The following IL36A variants were observed in gnomAD, a reference collection of about 807,000 sequenced individuals.
IL36A encodes interleukin-36 alpha.
IL36A carries 13 observed loss-of-function variants against 12.7 expected under a neutral mutation model. That is an observed-to-expected ratio of 1.02 (90% CI 0.67 to 1.63). IL36A has a LOEUF of 1.63. Among genes scored for constraint, IL36A ranks in the 40% most tolerant of loss-of-function variants. IL36A has a pLI of 0.00. For missense variants in IL36A, 195 were observed against 192.9 expected, an observed-to-expected ratio of 1.01 and a Z score of -0.07; for synonymous variants, 73 against 71.9, an observed-to-expected ratio of 1.01 and a Z score of -0.08.
In IL36A at chr2:113,007,825, C is replaced by G; in HGVS notation, c.265-7C>G. ...TTTCTTGCTGGTGTCTCCTTCGCACCCTTCAGGAAAAGGATATAATGGATT... is the reference window on the plus strand; with the variant it reads ...TTTCTTGCTGGTGTCTCCTTCGCACGCTTCAGGAAAAGGATATAATGGATT... On this transcript the variant is annotated splice_region_variant and splice_polypyrimidine_tract_variant and intron_variant, in intron 3 of 3. Coordinates refer to ENST00000259211, the MANE Select transcript of IL36A (RefSeq NM_014440.3). 6.2e-7 allele frequency: 1 copy of G among 1,610,060 alleles called. No homozygotes were observed.
rs1019690146 is a variant in IL36A, at chr2:113,007,935, T to C, written c.368T>C (p.Phe123Ser). 5 of 1,614,094 alleles carry C rather than the reference T, an allele frequency of 3.1e-6. No homozygotes were observed. In the African/African-American group the frequency reaches 6.7e-5, roughly 22 times the overall value. ...GRNSTFESVAFPGWFIAVSSE... is the reference protein window; with the variant it reads ...GRNSTFESVASPGWFIAVSSE... ...AACTCCACCTTCGAGTCTGTGGCTT[T>C]CCCTGGCTGGTTCATCGCTGTCAGC... Residue 123 changes from phenylalanine to serine, a missense_variant, in exon 4 of 4, where the codon TTC (phenylalanine) becomes TCC (serine). Phe to Ser is a radical substitution (Grantham distance 155). Coordinates refer to ENST00000259211, the MANE Select transcript of IL36A (RefSeq NM_014440.3).
In IL36A at chr2:113,006,088, G is replaced by A; in HGVS notation, c.124+1G>A. On this transcript the variant is annotated splice_donor_variant, in intron 2 of 3. Transcript: ENST00000259211. LOFTEE classifies it high-confidence loss of function. ...CCGAGGAAGGACCGTATGTCTCCAG[G>A]TGAGTAGCCACGGTCTGTGAAAGGC... The A allele has an allele frequency of 6.3e-7, 1 of 1,593,090 alleles. No individual in the cohort carries two copies.
At chr2:113,008,070 T>C, downstream of IL36A, 1 of 1,568,740 alleles carries the variant, frequency 6.4e-7, no homozygotes, top group Non-Finnish European at 8.8e-7. Context: ...GAGGATAGTC[T>C]CCATGCAGGG....
rs776581757 is a variant in IL36A at position 113,005,893 on chromosome 2, C to A, written c.10+12C>A. The A allele has an allele frequency of 8.1e-6, 13 of 1,613,904 alleles. No individual in the cohort carries two copies. The highest frequency in any genetic ancestry group is 1.1e-5 in the Non-Finnish European group (13 of 1,179,928). On this transcript the variant is annotated intron_variant, in intron 1 of 3. Transcript: ENST00000259211. ...CACAATGGAAAAAGGTAAAGATCCT[C>A]GTGGAAGGGCGAAAAATTGACAAGG...
At chr2:113,008,346 G>GGGT (rs1351851260), downstream of IL36A, among the ~76,000 whole-genome samples, 21 of 151,558 alleles carry the variant, frequency 1.4e-4, no homozygotes, top group Middle Eastern at 3.4e-3. Context: ...GTAAAAATGA[G>GGGT]GGTGGTGACT....
At chr2:113,009,244 C>T (rs1684692457), downstream of IL36A, among the ~76,000 whole-genome samples, 1 of 149,544 alleles carries the variant, frequency 6.7e-6, no homozygotes, top group Non-Finnish European at 1.5e-5. Flanking sequence ...GGTTGGTCGT[C>T]AGTGTGGCGA....
intron 2 of IL36A, 59 bp downstream of exon 2, chr2:113,006,146 T>C (rs1684616385): frequency 9.3e-7 from 1 of 1,080,844 alleles, no homozygotes; most frequent in South Asian, 1.3e-5. Context: ...GTGTGTTTGG[T>C]GCTCAGATGT....
At chr2:113,006,796 T>C in intron 3 of IL36A, 59 bp downstream of exon 3, 15 of 1,580,406 alleles carry the variant, frequency 9.5e-6, no homozygotes, top group Non-Finnish European at 1.3e-5. Flanking sequence ...TTCAGGATCT[T>C]TTAAAAGACA....
In IL36A at chr2:113,007,887, T is replaced by C; in HGVS notation, c.320T>C (p.Phe107Ser). ...NQPEPVKSFL[F>S]YHSQSGRNST... ...CCCGAGCCTGTGAAGTCCTTTCTCTTCTACCACAGCCAGAGTGGCAGGAAC... is the reference window on the plus strand; with the variant it reads ...CCCGAGCCTGTGAAGTCCTTTCTCTCCTACCACAGCCAGAGTGGCAGGAAC... The change falls in exon 4 of 4, where the codon TTC becomes TCC. Residue 107 changes from phenylalanine to serine, a missense_variant. Phe to Ser is a radical substitution (Grantham distance 155, BLOSUM62 -2). Coordinates refer to ENST00000259211, the MANE Select transcript of IL36A (RefSeq NM_014440.3). The C allele has an allele frequency of 6.2e-7, 1 of 1,614,230 alleles. No homozygotes were observed. The highest frequency in any genetic ancestry group is 8.5e-7 in the Non-Finnish European group (1 of 1,180,048).
chr2:113,005,917 G>A, intron 1 of IL36A, 36 bp downstream of exon 1: 2 of 1,613,594 alleles, frequency 1.2e-6, no homozygotes, highest in Non-Finnish European at 1.7e-6. Context: ...AAATTGACAA[G>A]GGGGTGATAT....
intron 2 of IL36A, 101 bp from the exon 3 acceptor site, chr2:113,006,497 T>G (rs928527776): frequency 2.3e-6 from 3 of 1,308,630 alleles, no homozygotes; most frequent in Middle Eastern, 2.6e-4. Context: ...ATTCTATGAG[T>G]GCACTGTGAG....
In IL36A at chr2:113,006,003, A is replaced by T. The variant is rs1392073641; in HGVS notation, c.40A>T (p.Ser14Cys). ...GAAAATTGACACACCTCAGCAGGGGAGCATTCAGGATATCAATCATCGGGT... is the reference window on the plus strand; with the variant it reads ...GAAAATTGACACACCTCAGCAGGGGTGCATTCAGGATATCAATCATCGGGT... Reference protein sequence around the residue: ...ALKIDTPQQGSIQDINHRVWV... With the variant: ...ALKIDTPQQGCIQDINHRVWV... Residue 14 changes from serine (S) to cysteine (C), a missense_variant, in exon 2 of 4, where the codon AGC becomes TGC. Transcript: ENST00000259211. 6.2e-7 allele frequency: 1 copy of T among 1,613,890 alleles called. No individual in the cohort carries two copies. Among genetic ancestry groups the T allele is most frequent in the South Asian group, 1.1e-5 (1 of 91,064 alleles).
In IL36A at chr2:113,007,903, T is replaced by A; in HGVS notation, c.336T>A (p.Ser112Arg). The A allele has an allele frequency of 3.7e-6, 6 of 1,614,104 alleles. No homozygotes were observed. The South Asian group carries it at 6.6e-5, about 18-fold the overall frequency. ...VKSFLFYHSQ[S>R]GRNSTFESVA... ...CCTTTCTCTTCTACCACAGCCAGAG[T>A]GGCAGGAACTCCACCTTCGAGTCTG... The change falls in exon 4 of 4, where the codon AGT becomes AGA. Residue 112 changes from serine to arginine, a missense_variant. Ser to Arg is a moderately radical substitution (Grantham distance 110, BLOSUM62 -1). Transcript: ENST00000259211.
downstream of IL36A, among the ~76,000 whole-genome samples, chr2:113,008,971 T>A (rs1261729250): frequency 5.2e-5 from 2 of 38,126 alleles, no homozygotes. Context: ...CCCTCCCCCC[T>A]CCCCCCACCC....
At chr2:113,008,194 G>A (rs1385759970), downstream of IL36A, 2 of 686,268 alleles carry the variant, frequency 2.9e-6, no homozygotes, top group Non-Finnish European at 5.1e-6. Flanking sequence ...CTAAGTGCTG[G>A]ACTGGTCCCT....
chr2:113,010,152 T>A (rs1373315131), downstream of IL36A, among the ~76,000 whole-genome samples: 1 of 152,218 alleles, frequency 6.6e-6, no homozygotes, highest in Non-Finnish European at 1.5e-5. Flanking sequence ...TTTTTACTTG[T>A]CCCTAAGCTT....
rs1684659726 is a variant in IL36A at position 113,007,921 on chromosome 2, C to T, written c.354C>T (p.Phe118=). The T allele has an allele frequency of 1.2e-6, 2 of 1,614,172 alleles. No homozygotes were observed. Among genetic ancestry groups the T allele is most frequent in the Non-Finnish European group, 1.7e-6 (2 of 1,180,010 alleles). The change falls in exon 4 of 4, where the codon TTC becomes TTT. Residue 118 remains phenylalanine, a synonymous_variant. Transcript: ENST00000259211. ...YHSQSGRNST[F]ESVAFPGWFI... ...GCCAGAGTGGCAGGAACTCCACCTTCGAGTCTGTGGCTTTCCCTGGCTGGT... is the reference window on the plus strand; with the variant it reads ...GCCAGAGTGGCAGGAACTCCACCTTTGAGTCTGTGGCTTTCCCTGGCTGGT...
chr2:113,011,059 T>A (rs1474561748), downstream of IL36A, among the ~76,000 whole-genome samples: 2 of 152,216 alleles, frequency 1.3e-5, no homozygotes, highest in Non-Finnish European at 2.9e-5. Context: ...ATTTTCTTCT[T>A]TTTAAAGGCT....
At chr2:113,006,840 G>T in intron 3 of IL36A, 103 bp downstream of exon 3, 1 of 1,280,126 alleles carries the variant, frequency 7.8e-7, no homozygotes, top group South Asian at 1.5e-5. Flanking sequence ...TTTTATTTTT[G>T]GTTTCCTTGG....
Sources: gnomAD v4.1 joint callset for allele counts (sites outside exome capture counted in the v4.1 genomes callset) on GRCh38, gnomAD v4.1.1 for gene constraint, MANE v1.5 for transcripts, NCBI Gene and HGNC (gene_info 2026-07-23, HGNC 2026-07-21) for gene names.